Variants in ASB17 observed in about 807,000 individuals in gnomAD.
ASB17 encodes ankyrin repeat and SOCS box containing 17.
A neutral mutation model predicts 25.7 loss-of-function variants in ASB17; 26 were observed. The observed-to-expected ratio is 1.01, with a 90% CI of 0.74 to 1.40. The LOEUF (loss-of-function observed/expected upper bound fraction) is 1.40, where lower values mean the gene tolerates loss of function less well. Among genes scored for constraint, ASB17 ranks in the 40% most tolerant of loss-of-function variants. ASB17 has a pLI of 0.00. For missense variants in ASB17, 326 were observed against 338.5 expected (o/e 0.96, Z 0.29); for synonymous variants, 128 against 121.4 (o/e 1.05, Z -0.36).
At chr1:75,919,829 T>C (rs543419892) in intron 2 of ASB17, among the ~76,000 whole-genome samples, 1 of 152,314 alleles carries the variant, frequency 6.6e-6, no homozygotes, top group South Asian at 2.1e-4. Flanking sequence ...CTATTGTGAA[T>C]AGTGCTGCAA....
At position 75,922,313 on chromosome 1, in the gene ASB17, G is replaced by T. The variant is rs753889544; in HGVS notation, c.448C>A (p.Pro150Thr). ...YCPSPLSGITPLFYVAQTRQS... is the reference protein window; with the variant it reads ...YCPSPLSGITTLFYVAQTRQS... ...CTTGTCTGAGCTACATAAAAGAGAG[G>T]TGTGATGCCACTTAATGGGCTTGGA... Residue 150 changes from proline to threonine, a missense_variant, in exon 2 of 3, where the codon CCT (proline) becomes ACT (threonine). Transcript: ENST00000284142. 3.1e-6 allele frequency: 5 copies of T among 1,613,254 alleles called. No homozygotes were observed. The highest frequency in any genetic ancestry group is 4.2e-6 in the Non-Finnish European group (5 of 1,179,796).
chr1:75,931,990 A>G lies in ASB17; in HGVS notation c.302T>C (p.Val101Ala), dbSNP rs1796814. 6.2e-7 allele frequency: 1 copy of G among 1,614,094 alleles called. No individual in the cohort carries two copies. The highest frequency in any genetic ancestry group is 1.7e-5 in the Admixed American group (1 of 60,012). Residue 101 changes from valine to alanine, a missense_variant, in exon 1 of 3, where the codon GTT (valine) becomes GCT (alanine). Val to Ala is a moderately conservative substitution (Grantham distance 64). Transcript: ENST00000284142. ...EICVNTILYW[V>A]FARKGNPDFV... ...GTCAGGATTACCTTTTCTGGCAAAA[A>G]CCCAGTACAGAATTGTATTCACACA...
Position 75,932,368 on chromosome 1 carries a change from T to A in ASB17, c.-77A>T, listed in dbSNP as rs146637045. The stretch of plus-strand genomic sequence containing the variant: ...ATCCTCCAGTTACATATTTTGACAA[T>A]GTGGCAGGCTTTACTCCACAAACAG... On this transcript the variant is annotated 5_prime_UTR_variant, in exon 1 of 3. Transcript: ENST00000284142. 0.015 allele frequency: 20,310 copies of A among 1,361,028 alleles called. 200 individuals carry two copies. Among genetic ancestry groups the A allele is most frequent in the South Asian group, 0.021 (1,434 of 69,494 alleles). 84.3% of individuals were successfully genotyped at this position (1,361,028 alleles called of 1,614,324 possible).
chr1:75,918,936 A>AG lies in ASB17; in HGVS notation c.*15dup. 6.3e-7 allele frequency: 1 copy of AG among 1,590,450 alleles called. No homozygotes were observed. Among genetic ancestry groups the AG allele is most frequent in the Non-Finnish European group, 8.6e-7 (1 of 1,158,730 alleles). On this transcript the variant is annotated 3_prime_UTR_variant, in exon 3 of 3. Coordinates refer to ENST00000284142, the MANE Select transcript of ASB17 (RefSeq NM_080868.3). Reference sequence around the variant, plus strand: ...ATTGGTAAGCATTGTTAAGGAACTTAGGACACTGACGTATGTTAGATTTCT... The same window carrying AG: ...ATTGGTAAGCATTGTTAAGGAACTTAGGGACACTGACGTATGTTAGATTTCT...
At chr1:75,930,167 A>G (rs1176159544) in intron 1 of ASB17, among the ~76,000 whole-genome samples, 5 of 148,812 alleles carry the variant, frequency 3.4e-5, no homozygotes, top group Non-Finnish European at 4.5e-5. Context: ...TATATTATAT[A>G]TATTCAAATA....
intron 1 of ASB17, among the ~76,000 whole-genome samples, chr1:75,929,467 C>G (rs143317453): frequency 0.026 from 3,906 of 152,092 alleles, 58 homozygotes; most frequent in Non-Finnish European, 0.029. Context: ...GATCCGCCCG[C>G]CTCAGCCTCC....
intron 1 of ASB17, 129 bp from the exon 2 acceptor site, chr1:75,922,488 CTTTT>C (rs3037164): frequency 0.2 from 24,514 of 121,288 alleles, 518 homozygotes; most frequent in Middle Eastern, 0.24. Context: ...TTATATGTTT[CTTTT>C]TTTTTTTTTT....
In ASB17 at chr1:75,919,189, A is replaced by G. The variant is rs1652962476; in HGVS notation, c.682-31T>C. On this transcript the variant is annotated intron_variant, in intron 2 of 2. Coordinates refer to ENST00000284142, the MANE Select transcript of ASB17 (RefSeq NM_080868.3). ...GAAAAGCAAAATATTTTACTTTTGT[A>G]ATGTTTTGTAATTTGGATTAGTCCA... 5 of 1,483,132 alleles carry G rather than the reference A, an allele frequency of 3.4e-6. No homozygotes were observed. In the Admixed American group the frequency reaches 9.1e-5, roughly 27 times the overall value. The allele number at this position is 1,483,132 out of a possible 1,614,324, so 91.9% of individuals were successfully genotyped here.
At chr1:75,925,349 G>A (rs912792119) in intron 1 of ASB17, among the ~76,000 whole-genome samples, 5 of 151,890 alleles carry the variant, frequency 3.3e-5, no homozygotes, top group South Asian at 2.1e-4. Context: ...AGACTCAGGG[G>A]GCAAAATATA....
At position 75,932,109 on chromosome 1, in the gene ASB17, A is replaced by G; in HGVS notation, c.183T>C (p.Asp61=). The change falls in exon 1 of 3, where the codon GAT becomes GAC. Residue 61 remains aspartate (D), a synonymous_variant. Transcript: ENST00000284142. ...AATCTGTGAGTAGTGCGTCAAAACC[A>G]TCCAAGTCCACATACCTCAGAATTT... The part of the protein sequence containing the change: ...LAKILRYVDL[D]GFDALLTDYI... 1 of 1,614,094 alleles carries G rather than the reference A, an allele frequency of 6.2e-7. No individual in the cohort carries two copies. Among genetic ancestry groups the G allele is most frequent in the South Asian group, 1.1e-5 (1 of 91,070 alleles).
chr1:75,929,057 T>G (rs1016713569), intron 1 of ASB17, among the ~76,000 whole-genome samples: 6 of 152,004 alleles, frequency 3.9e-5, no homozygotes, highest in African/African-American at 1.4e-4. Flanking sequence ...GAGGGAACAG[T>G]ATTATGAGGC....
intron 1 of ASB17, among the ~76,000 whole-genome samples, chr1:75,931,213 G>T: frequency 6.6e-6 from 1 of 152,266 alleles, no homozygotes; most frequent in Non-Finnish European, 1.5e-5. Flanking sequence ...TTATTCAGAT[G>T]AATATCTAAA....
intron 1 of ASB17, among the ~76,000 whole-genome samples, chr1:75,930,291 A>G (rs1197983738): frequency 6.8e-6 from 1 of 147,274 alleles, no homozygotes; most frequent in Non-Finnish European, 1.5e-5. Context: ...TATATAAAAC[A>G]TATATAACTA....
intron 2 of ASB17, among the ~76,000 whole-genome samples, chr1:75,921,078 C>T (rs1238053296): frequency 1.3e-5 from 2 of 152,104 alleles, no homozygotes; most frequent in Non-Finnish European, 2.9e-5. Flanking sequence ...CCGGCCTGTC[C>T]TAGTGCTTTT....
chr1:75,918,983 C>A lies in ASB17; in HGVS notation c.857G>T (p.Arg286Leu), dbSNP rs149522654. 3 of 1,612,628 alleles carry A rather than the reference C, an allele frequency of 1.9e-6. No homozygotes were observed. Among genetic ancestry groups the A allele is most frequent in the Non-Finnish European group, 1.7e-6 (2 of 1,178,952 alleles). The change falls in exon 3 of 3, where the codon CGT becomes CTT. Residue 286 changes from arginine (R) to leucine (L), a missense_variant. Coordinates refer to ENST00000284142, the MANE Select transcript of ASB17 (RefSeq NM_080868.3). ...DGIFSLLIPA[R>L]LQNYLNLEI ...TTCTAAATTCAGATAGTTTTGTAGA[C>A]GAGCAGGAATTAGAAGTGAAAATAT...
intron 2 of ASB17, among the ~76,000 whole-genome samples, chr1:75,921,052 G>A (rs564264083): frequency 6.6e-6 from 1 of 152,222 alleles, no homozygotes; most frequent in Non-Finnish European, 1.5e-5. Context: ...GGGATTACAG[G>A]CGTGAGCCAC....
chr1:75,928,183 G>T (rs1406307861), intron 1 of ASB17, among the ~76,000 whole-genome samples: 1 of 152,088 alleles, frequency 6.6e-6, no homozygotes, highest in Non-Finnish European at 1.5e-5. Context: ...CTCTACCTGT[G>T]CATGCTTCTA....
At chr1:75,927,531 A>G (rs1218964680) in intron 1 of ASB17, among the ~76,000 whole-genome samples, 8 of 152,156 alleles carry the variant, frequency 5.3e-5, no homozygotes, top group Non-Finnish European at 1.0e-4. Flanking sequence ...AGAGGTTGGG[A>G]GGGATGTTGG....
At chr1:75,931,323 T>G (rs1259236985) in intron 1 of ASB17, among the ~76,000 whole-genome samples, 2 of 152,208 alleles carry the variant, frequency 1.3e-5, no homozygotes, top group African/African-American at 4.8e-5. Flanking sequence ...TTTCATAAGA[T>G]CCTCAGTAGT....
Sources: gnomAD v4.1 joint callset for allele counts (sites outside exome capture counted in the v4.1 genomes callset) on GRCh38, gnomAD v4.1.1 for gene constraint, MANE v1.5 for transcripts, NCBI Gene and HGNC (gene_info 2026-07-23, HGNC 2026-07-21) for gene names.